Variants in ADAD1 observed in about 807,000 individuals in gnomAD.
The protein encoded by ADAD1 is adenosine deaminase domain containing 1, also known as adenosine deaminase domain-containing protein 1.
ADAD1 carries 46 observed loss-of-function variants against 66.8 expected under a neutral mutation model. That is an observed-to-expected ratio of 0.69 (90% CI 0.54 to 0.88). ADAD1 has a LOEUF of 0.88. Among genes scored for constraint, ADAD1 ranks in the 40% least tolerant of loss-of-function variants. The pLI is 0.00. For synonymous variants in ADAD1, 248 were observed against 229.4 expected, an observed-to-expected ratio of 1.08 and a Z score of -0.73; for missense variants, 617 against 681.8, an observed-to-expected ratio of 0.91 and a Z score of 1.06.
intron 5 of ADAD1, among the ~76,000 whole-genome samples, chr4:122,389,760 G>A (rs2150541898): frequency 6.6e-6 from 1 of 152,264 alleles, no homozygotes; most frequent in East Asian, 1.9e-4. Context: ...TTGCACATAA[G>A]ATGGATCTCC....
intron 12 of ADAD1, 117 bp downstream of exon 12, chr4:122,421,507 T>G: frequency 1.0e-6 from 1 of 976,472 alleles, no homozygotes; most frequent in Non-Finnish European, 1.4e-6. Context: ...ATATAAGATA[T>G]TACCAGGTAA....
chr4:122,402,797 C>A (rs964498936), intron 7 of ADAD1, among the ~76,000 whole-genome samples: 1 of 152,122 alleles, frequency 6.6e-6, no homozygotes, highest in Non-Finnish European at 1.5e-5. Context: ...CTGAAACTTT[C>A]CAGTGCATTT....
At chr4:122,393,402 C>A (rs1795547656) in intron 5 of ADAD1, among the ~76,000 whole-genome samples, 187 bp from the exon 6 acceptor site, 1 of 151,894 alleles carries the variant, frequency 6.6e-6, no homozygotes, top group African/African-American at 2.4e-5. Context: ...AATTTGTTTG[C>A]ATAAACAATT....
At chr4:122,393,484 GA>G (rs76587450) in intron 5 of ADAD1, 104 bp from the exon 6 acceptor site, 77 of 1,036,818 alleles carry the variant, frequency 7.4e-5, no homozygotes, top group Middle Eastern at 2.3e-4. Context: ...CAAAAATACG[GA>G]AAAAAAAATT....
At chr4:122,425,966 T>C (rs764103754) in intron 12 of ADAD1, among the ~76,000 whole-genome samples, 3 of 151,542 alleles carry the variant, frequency 2.0e-5, no homozygotes, top group Non-Finnish European at 4.4e-5. Flanking sequence ...CAAATCAGAA[T>C]CAAAGTAAGT....
intron 12 of ADAD1, among the ~76,000 whole-genome samples, chr4:122,425,337 T>C (rs1399149381): frequency 6.6e-6 from 1 of 152,076 alleles, no homozygotes; most frequent in Non-Finnish European, 1.5e-5. Flanking sequence ...TGCCAAGTTG[T>C]TCTAACCACT....
chr4:122,408,967 T>C (rs941790294), intron 8 of ADAD1, among the ~76,000 whole-genome samples: 11 of 152,218 alleles, frequency 7.2e-5, no homozygotes, highest in African/African-American at 2.7e-4. Flanking sequence ...AAGTGTAGCT[T>C]TTGACCCGCA....
At chr4:122,411,171 T>A in intron 8 of ADAD1, 51 bp from the exon 9 acceptor site, 1 of 1,397,056 alleles carries the variant, frequency 7.2e-7, no homozygotes, top group Non-Finnish European at 9.7e-7. Context: ...CTCATTAAGA[T>A]ATATCTTTTA....
At chr4:122,421,528 G>C in intron 12 of ADAD1, 138 bp downstream of exon 12, 3 of 861,272 alleles carry the variant, frequency 3.5e-6, no homozygotes, top group Non-Finnish European at 3.1e-6. Flanking sequence ...TGGTAAAATT[G>C]GTTTTTAAAT....
At chr4:122,393,740 T>A (rs993866795) in intron 6 of ADAD1, 83 bp downstream of exon 6, 4 of 1,077,926 alleles carry the variant, frequency 3.7e-6, no homozygotes, top group Middle Eastern at 2.5e-4. Context: ...TAAGCATAGG[T>A]ATGAAAATGT....
chr4:122,415,836 T>C (rs1449553015), intron 11 of ADAD1, among the ~76,000 whole-genome samples: 4 of 152,146 alleles, frequency 2.6e-5, no homozygotes, highest in African/African-American at 7.2e-5. Context: ...GGAGAAGTTA[T>C]ATAGCTTACT....
In ADAD1 at chr4:122,412,750, T is replaced by C; in HGVS notation, c.1190T>C (p.Val397Ala). Residue 397 changes from valine (V) to alanine (A), a missense_variant, in exon 10 of 13, where the codon GTA becomes GCA. Physicochemically the swap from Val to Ala is moderately conservative, Grantham distance 64 (BLOSUM62 0). Transcript: ENST00000296513. ...TTGACCAGATGGGAAGTGCTTGGTG[T>C]ACAGGGAGCATTGCTGAGTCATTTT... ...DKLTRWEVLG[V>A]QGALLSHFIQ... 2 of 1,613,918 alleles carry C rather than the reference T, an allele frequency of 1.2e-6. No individual in the cohort carries two copies. Among genetic ancestry groups the C allele is most frequent in the Non-Finnish European group, 1.7e-6 (2 of 1,179,812 alleles).
Position 122,381,073 on chromosome 4 carries a change from A to G in ADAD1, c.254A>G (p.Glu85Gly), listed in dbSNP as rs1221162577. 5 of 1,604,186 alleles carry G rather than the reference A, an allele frequency of 3.1e-6. No individual in the cohort carries two copies. Among genetic ancestry groups the G allele is most frequent in the Non-Finnish European group, 4.2e-6 (5 of 1,178,120 alleles). The change falls in exon 4 of 13, where the codon GAA (glutamate) becomes GGA (glycine). Residue 85 changes from glutamate (E) to glycine (G), a missense_variant. Transcript: ENST00000296513. ...CTTCCTCCAAAAAAAATACCTAAGG[A>G]ATTTATAATGAAATACAAACGTGGA... Reference protein sequence around the residue: ...PVLPPKKIPKEFIMKYKRGEI... With the variant: ...PVLPPKKIPKGFIMKYKRGEI...
chr4:122,389,432 T>G (rs1795332689), intron 5 of ADAD1, among the ~76,000 whole-genome samples: 1 of 152,208 alleles, frequency 6.6e-6, no homozygotes, highest in African/African-American at 2.4e-5. Flanking sequence ...ATCTGTCTCA[T>G]TGATCTAATA....
At chr4:122,401,872 T>C (rs1156979715) in intron 7 of ADAD1, among the ~76,000 whole-genome samples, 5 of 151,960 alleles carry the variant, frequency 3.3e-5, no homozygotes, top group African/African-American at 1.2e-4. Context: ...CTTTACCTTA[T>C]GTGAGTCCTT....
At chr4:122,384,364 G>A (rs1467164565) in intron 5 of ADAD1, among the ~76,000 whole-genome samples, 1 of 152,158 alleles carries the variant, frequency 6.6e-6, no homozygotes, top group African/African-American at 2.4e-5. Context: ...TGAGAAAATG[G>A]CCTAAGGTAG....
intron 12 of ADAD1, among the ~76,000 whole-genome samples, chr4:122,421,692 T>C (rs1045479326): frequency 6.6e-6 from 1 of 152,068 alleles, no homozygotes; most frequent in Non-Finnish European, 1.5e-5. Context: ...ATTTATTCTG[T>C]ATATGGTATT....
At chr4:122,387,717 C>T (rs1370693248) in intron 5 of ADAD1, among the ~76,000 whole-genome samples, 1 of 151,364 alleles carries the variant, frequency 6.6e-6, no homozygotes, top group African/African-American at 2.4e-5. Context: ...AGACATGTTC[C>T]ATCAATACCT....
At chr4:122,391,354 A>C (rs1561534882) in intron 5 of ADAD1, among the ~76,000 whole-genome samples, 1 of 152,160 alleles carries the variant, frequency 6.6e-6, no homozygotes, top group Non-Finnish European at 1.5e-5. Flanking sequence ...TGGCACGGGG[A>C]GCAGGACCCG....
Sources: allele counts gnomAD v4.1 joint callset (sites outside exome capture counted in the v4.1 genomes callset), GRCh38; gene constraint gnomAD v4.1.1; transcripts MANE v1.5; gene names NCBI Gene and HGNC (gene_info 2026-07-23, HGNC 2026-07-21).